ZNF665: variants seen among roughly 807,000 people sequenced by gnomAD.
ZNF665 encodes the protein zinc finger protein 665.
A neutral mutation model predicts 7.9 loss-of-function variants in ZNF665; 6 were observed. That is an observed-to-expected ratio of 0.76 (90% confidence interval 0.42 to 1.50). The LOEUF (loss-of-function observed/expected upper bound fraction) is 1.50, where lower values mean the gene tolerates loss of function less well. Ranked by LOEUF, ZNF665 falls within the 40% of genes most tolerant of loss-of-function variation. The pLI, the probability that ZNF665 is intolerant of heterozygous loss-of-function variation, is 0.01. For synonymous variants in ZNF665, 242 were observed against 274.5 expected (o/e 0.88, Z 1.17); for missense variants, 819 against 806.7 (o/e 1.02, Z -0.18).
At chr19:53,183,002 T>C (rs767654068) in intron 1 of ZNF665, 59 bp from the exon 2 acceptor site, 50 of 1,541,056 alleles carry the variant, frequency 3.2e-5, no homozygotes, top group Middle Eastern at 3.3e-4. Context: ...ATACGCTGTT[T>C]GTTGGTTAGA....
At chr19:53,167,872 C>T (rs1330917269) in intron 3 of ZNF665, among the ~76,000 whole-genome samples, 3 of 148,280 alleles carry the variant, frequency 2.0e-5, no homozygotes, top group East Asian at 2.0e-4. Flanking sequence ...CTGGCTAACA[C>T]GATGAAACCC....
chr19:53,176,082 A>T (rs1364981328), intron 2 of ZNF665, among the ~76,000 whole-genome samples: 2 of 152,100 alleles, frequency 1.3e-5, no homozygotes, highest in Non-Finnish European at 2.9e-5. Flanking sequence ...AATCACTTGA[A>T]CCTGGGAGGC....
At chr19:53,167,434 G>A (rs2090623573) in intron 3 of ZNF665, among the ~76,000 whole-genome samples, 1 of 150,770 alleles carries the variant, frequency 6.6e-6, no homozygotes, top group African/African-American at 2.4e-5. Context: ...GGAAGTTATA[G>A]TCTGTGGATT....
intron 2 of ZNF665, chr19:53,182,429 G>A: frequency 4.4e-6 from 2 of 451,016 alleles, no homozygotes; most frequent in East Asian, 3.7e-5. Context: ...CACTTGTTCG[G>A]CATCAAATGC....
intron 1 of ZNF665, among the ~76,000 whole-genome samples, chr19:53,191,049 A>G (rs1247448246): frequency 1.4e-5 from 2 of 138,942 alleles, no homozygotes; most frequent in Admixed American, 7.0e-5. Context: ...GGAGAATCCC[A>G]AATTTATACT....
rs780062137 is a variant in ZNF665, at chr19:53,164,811, T to C, written c.1679A>G (p.His560Arg). The C allele has an allele frequency of 6.2e-7, 1 of 1,614,242 alleles. No individual in the cohort carries two copies. Residue 560 changes from histidine to arginine, a missense_variant, in exon 4 of 4, where the codon CAT (histidine) becomes CGT (arginine). By Grantham distance (29) the His-to-Arg change is conservative (BLOSUM62 0). Transcript: ENST00000396424. ...VFRHNSYLAI[H>R]QRIHTGEKPY... ...TTTCTCACCAGTGTGAATTCTCTGA[T>C]GAATTGCAAGGTACGAATTGTGTCT...
chr19:53,170,724 TA>T, intron 3 of ZNF665, among the ~76,000 whole-genome samples: 1 of 152,192 alleles, frequency 6.6e-6, no homozygotes, highest in Non-Finnish European at 1.5e-5. Context: ...AATGCTGCAT[TA>T]AACATGGAAT....
At chr19:53,176,175 A>C (rs1356465496) in intron 2 of ZNF665, among the ~76,000 whole-genome samples, 1 of 152,050 alleles carries the variant, frequency 6.6e-6, no homozygotes, top group East Asian at 1.9e-4. Flanking sequence ...TAAATAAATA[A>C]GAATAAAAAT....
intron 1 of ZNF665, among the ~76,000 whole-genome samples, chr19:53,189,876 C>T (rs2090803412): frequency 6.6e-6 from 1 of 152,066 alleles, no homozygotes; most frequent in South Asian, 2.1e-4. Flanking sequence ...GGCATCTTCC[C>T]AGACGCTGGC....
At chr19:53,180,944 T>C (rs2090733527) in intron 2 of ZNF665, 1 of 152,176 alleles carries the variant, frequency 6.6e-6, no homozygotes, top group Non-Finnish European at 1.5e-5. Flanking sequence ...TTTAATATCA[T>C]ACATGAATAG....
chr19:53,163,717 A>G lies in ZNF665; in HGVS notation c.*736T>C, dbSNP rs2090580719. On this transcript the variant is annotated 3_prime_UTR_variant, in exon 4 of 4. Coordinates refer to ENST00000396424, the MANE Select transcript of ZNF665 (RefSeq NM_024733.5). ...TGAAAGTAATTGGCCATTTCCAAAC[A>G]TCCTACAACCTTTGATATGTATCAT... 6.6e-6 allele frequency: 1 copy of G among 152,226 alleles called. No homozygotes were observed. The highest frequency in any genetic ancestry group is 2.1e-4 in the South Asian group (1 of 4,836). 9.4% of individuals were successfully genotyped at this position (152,226 alleles called of 1,614,324 possible).
At chr19:53,179,324 C>T (rs549166596) in intron 2 of ZNF665, among the ~76,000 whole-genome samples, 8 of 139,600 alleles carry the variant, frequency 5.7e-5, no homozygotes, top group East Asian at 2.1e-4. Context: ...TGCAGTGAGC[C>T]GAGATCGCAC....
chr19:53,172,388 A>C (rs1235460186), intron 3 of ZNF665, among the ~76,000 whole-genome samples: 1 of 152,148 alleles, frequency 6.6e-6, no homozygotes, highest in African/African-American at 2.4e-5. Flanking sequence ...TTCAACCAAT[A>C]GTGTATGAGA....
chr19:53,182,850 G>T, intron 2 of ZNF665, 34 bp downstream of exon 2: 1 of 1,613,312 alleles, frequency 6.2e-7, no homozygotes, highest in Non-Finnish European at 8.5e-7. Flanking sequence ...TGAAAGGAAG[G>T]AGACAGAACA....
At position 53,166,029 on chromosome 19, in the gene ZNF665, T is replaced by C; in HGVS notation, c.461A>G (p.Gln154Arg). ...SFQSHLPELQ[Q>R]FQHEGKIYEY... ...ATAAATTTTCCCTTCATGTTGAAAT[T>C]GCTGCAGTTCAGGGAGATGTGACTG... Residue 154 changes from glutamine (Q) to arginine (R), a missense_variant, in exon 4 of 4, where the codon CAA (glutamine) becomes CGA (arginine). Physicochemically the swap from Gln to Arg is conservative, Grantham distance 43. Transcript: ENST00000396424. The C allele has an allele frequency of 6.2e-7, 1 of 1,614,042 alleles. No homozygotes were observed. The highest frequency in any genetic ancestry group is 8.5e-7 in the Non-Finnish European group (1 of 1,179,892).
rs1458849439 is a variant in ZNF665, at chr19:53,165,302, A to G, written c.1188T>C (p.His396=). 3.1e-6 allele frequency: 5 copies of G among 1,613,166 alleles called. No individual in the cohort carries two copies. The South Asian group carries it at 5.5e-5, about 18-fold the overall frequency. The change falls in exon 4 of 4, where the codon CAT becomes CAC. Residue 396 remains histidine (H), a synonymous_variant. Transcript: ENST00000396424. ...HSNLTKHQII[H]TGEKPFKCNE... ...TACATTTGAAAGGCTTTTCTCCGGT[A>G]TGGATGATCTGATGCTTAGTTAAGT...
At chr19:53,170,509 G>T (rs1039759001) in intron 3 of ZNF665, among the ~76,000 whole-genome samples, 2 of 152,104 alleles carry the variant, frequency 1.3e-5, no homozygotes, top group African/African-American at 4.8e-5. Flanking sequence ...CAAGAGGTTT[G>T]GATTCCACAT....
chr19:53,165,014 A>G lies in ZNF665; in HGVS notation c.1476T>C (p.Gly492=), dbSNP rs1231460272. 1.2e-6 allele frequency: 2 copies of G among 1,613,816 alleles called. No individual in the cohort carries two copies. The highest frequency in any genetic ancestry group is 1.1e-5 in the South Asian group (1 of 91,042). ...GTTGTGATGTTTGACTGAAGGCTTT[A>G]CCACATTCATCACACTTGTAAGGTT... ...GEKPYKCDEC[G]KAFSQTSQLA... is the part of the protein sequence containing the mutation. Residue 492 remains glycine (G), a synonymous_variant, in exon 4 of 4, where the codon GGT becomes GGC. Transcript: ENST00000396424.
intron 3 of ZNF665, among the ~76,000 whole-genome samples, chr19:53,173,408 T>C (rs187439256): frequency 0.011 from 1,543 of 143,016 alleles, 23 homozygotes; most frequent in African/African-American, 0.028. Flanking sequence ...TGGAGTCTCG[T>C]TCTGTCGCCA....
Sources: allele counts gnomAD v4.1 joint callset (sites outside exome capture counted in the v4.1 genomes callset), GRCh38; gene constraint gnomAD v4.1.1; transcripts MANE v1.5; gene names NCBI Gene and HGNC (gene_info 2026-07-23, HGNC 2026-07-21).